Variants in NGEF observed in about 807,000 individuals in gnomAD.
NGEF encodes neuronal guanine nucleotide exchange factor.
NGEF carries 31 observed loss-of-function variants against 80.9 expected under a neutral mutation model. The observed-to-expected ratio is 0.38, with a 90% CI of 0.29 to 0.52. The LOEUF is 0.52. Among genes scored for constraint, NGEF ranks in the 20% least tolerant of loss-of-function variants. The pLI is 0.84. For synonymous variants in NGEF, 371 were observed against 370.2 expected (o/e 1.00, Z -0.03); for missense variants, 709 against 926.2 (o/e 0.77, Z 3.04).
At chr2:232,997,166 T>C (rs1042766662) in intron 1 of NGEF, among the ~76,000 whole-genome samples, 3 of 152,158 alleles carry the variant, frequency 2.0e-5, no homozygotes, top group Non-Finnish European at 2.9e-5. Flanking sequence ...GGAGGGTTCA[T>C]GCACAGATTG....
chr2:232,889,215 C>T (rs1300599257), intron 8 of NGEF, among the ~76,000 whole-genome samples: 3 of 152,236 alleles, frequency 2.0e-5, no homozygotes, highest in Admixed American at 6.5e-5. Context: ...CTGAACAGCA[C>T]GGTTTAGACG....
chr2:232,897,917 C>A (rs538528422), intron 5 of NGEF, among the ~76,000 whole-genome samples: 17 of 152,210 alleles, frequency 1.1e-4, no homozygotes, highest in African/African-American at 3.9e-4. Context: ...ATCCCCACGT[C>A]GCATCTGCCT....
chr2:233,012,830 G>A, intron 1 of NGEF: 1 of 471,076 alleles, frequency 2.1e-6, no homozygotes, highest in Non-Finnish European at 4.4e-6. Context: ...CGCCTGGAAG[G>A]AGTCCTTATC....
At chr2:232,977,400 G>A (rs1694317470) in intron 1 of NGEF, among the ~76,000 whole-genome samples, 1 of 152,200 alleles carries the variant, frequency 6.6e-6, no homozygotes, top group African/African-American at 2.4e-5. Flanking sequence ...GCTCCCCAGA[G>A]ATGGGGGTGC....
chr2:232,920,279 G>T lies in NGEF; in HGVS notation c.828+5C>A. The T allele has an allele frequency of 6.2e-7, 1 of 1,610,458 alleles. No homozygotes were observed. Among genetic ancestry groups the T allele is most frequent in the East Asian group, 2.2e-5 (1 of 44,818 alleles). Reference sequence around the variant, plus strand: ...GGGGAGCCCCCGCCCCTCGGCGCCTGTTACCTCCTGCAGCTTAATCTCCTC... The same window carrying T: ...GGGGAGCCCCCGCCCCTCGGCGCCTTTTACCTCCTGCAGCTTAATCTCCTC... On this transcript the variant is annotated splice_donor_5th_base_variant and intron_variant, in intron 5 of 14. Transcript: ENST00000264051.
At chr2:232,943,877 C>T (rs1693494072) in intron 3 of NGEF, among the ~76,000 whole-genome samples, 1 of 151,986 alleles carries the variant, frequency 6.6e-6, no homozygotes, top group Non-Finnish European at 1.5e-5. Context: ...GAAATACATT[C>T]CTGATTGGAG....
chr2:232,989,185 T>C (rs966767114), intron 1 of NGEF, among the ~76,000 whole-genome samples: 1 of 152,140 alleles, frequency 6.6e-6, no homozygotes, highest in African/African-American at 2.4e-5. Flanking sequence ...CGGTGGCTCA[T>C]GTCTGTAATC....
intron 3 of NGEF, among the ~76,000 whole-genome samples, chr2:232,956,799 A>AG (rs1171760960): frequency 2.7e-5 from 4 of 150,468 alleles, no homozygotes; most frequent in African/African-American, 9.8e-5. Flanking sequence ...AAAAAAAAAA[A>AG]AAAAAAAAAT....
chr2:232,935,595 T>C (rs1693312235), intron 3 of NGEF, among the ~76,000 whole-genome samples: 1 of 152,026 alleles, frequency 6.6e-6, no homozygotes, highest in African/African-American at 2.4e-5. Context: ...TCCAGCCTGG[T>C]TGACAGAGTG....
intron 3 of NGEF, among the ~76,000 whole-genome samples, chr2:232,965,820 C>T (rs1694048213): frequency 6.6e-6 from 1 of 152,068 alleles, no homozygotes; most frequent in Admixed American, 6.5e-5. Flanking sequence ...CAGTCAACAT[C>T]AATGTGCTCA....
Position 233,004,411 on chromosome 2 carries a change from G to A in NGEF, c.-75+8657C>T, listed in dbSNP as rs79530219. On this transcript the variant is annotated intron_variant, in intron 1 of 14. Coordinates refer to ENST00000264051, the MANE Select transcript of NGEF (RefSeq NM_019850.3). The stretch of plus-strand genomic sequence containing the variant: ...TCCAGCCCTTCCCCATCCCCTGGTC[G>A]CAGCAGCAGCACTTCTTGGCCTTGA... Among the ~76,000 whole-genome samples the A allele has an allele frequency of 7.2e-3, 1,094 of 152,258 alleles. 12 individuals carry two copies. Among genetic ancestry groups the A allele is most frequent in the Non-Finnish European group, 0.013 (854 of 68,018 alleles).
chr2:232,911,101 T>C (rs1692683482), intron 5 of NGEF, among the ~76,000 whole-genome samples: 1 of 152,242 alleles, frequency 6.6e-6, no homozygotes, highest in South Asian at 2.1e-4. Flanking sequence ...TTCTCCTATG[T>C]TTTCCTCTAA....
chr2:232,890,560 A>T (rs952888964), intron 8 of NGEF, among the ~76,000 whole-genome samples: 1 of 152,150 alleles, frequency 6.6e-6, no homozygotes, highest in Non-Finnish European at 1.5e-5. Context: ...TCCTGCCCTG[A>T]ATCCTGAGCC....
intron 3 of NGEF, among the ~76,000 whole-genome samples, chr2:232,951,951 C>T (rs1201265865): frequency 6.6e-6 from 1 of 152,108 alleles, no homozygotes; most frequent in African/African-American, 2.4e-5. Flanking sequence ...GGAGACGTTT[C>T]TGCCACAGTT....
At chr2:232,890,872 C>G in intron 8 of NGEF, 1 of 470,706 alleles carries the variant, frequency 2.1e-6, no homozygotes, top group South Asian at 1.5e-5. Flanking sequence ...GTCCCCATCT[C>G]CACACCCACT....
chr2:232,888,257 C>T, intron 8 of NGEF, 150 bp from the exon 9 acceptor site: 5 of 616,186 alleles, frequency 8.1e-6, no homozygotes, highest in Non-Finnish European at 1.4e-5. Flanking sequence ...CACACGCATA[C>T]ATGCATGCAC....
intron 3 of NGEF, among the ~76,000 whole-genome samples, chr2:232,955,460 A>G (rs998018977): frequency 4.6e-5 from 7 of 152,150 alleles, no homozygotes; most frequent in African/African-American, 1.7e-4. Flanking sequence ...CAGCCTGCTG[A>G]TCAGCTCTTT....
chr2:232,899,662 T>TCACA (rs59282713), intron 5 of NGEF, among the ~76,000 whole-genome samples: 43 of 119,212 alleles, frequency 3.6e-4, no homozygotes, highest in African/African-American at 1.5e-3. Flanking sequence ...TCACATTCAC[T>TCACA]CACACATGCT....
chr2:232,923,977 C>A (rs1461098560), intron 4 of NGEF, among the ~76,000 whole-genome samples: 1 of 152,166 alleles, frequency 6.6e-6, no homozygotes, highest in Non-Finnish European at 1.5e-5. Context: ...TGGCTCATGC[C>A]TGTAATCCCA....
Sources: allele counts gnomAD v4.1 joint callset (sites outside exome capture counted in the v4.1 genomes callset), GRCh38; gene constraint gnomAD v4.1.1; transcripts MANE v1.5; gene names NCBI Gene and HGNC (gene_info 2026-07-23, HGNC 2026-07-21).